Variants in CAMK2D observed in about 807,000 individuals in gnomAD.
CAMK2D encodes calcium/calmodulin-dependent protein kinase type II subunit delta.
CAMK2D carries 37 observed loss-of-function variants against 84.0 expected under a neutral mutation model. The ratio of observed to expected loss-of-function variants is 0.44; its 90% CI spans 0.34 to 0.58. The LOEUF (loss-of-function observed/expected upper bound fraction) is 0.58. CAMK2D is among the 20% of genes least tolerant of loss of function. CAMK2D has a pLI of 0.02. For missense variants in CAMK2D, 448 were observed against 652.5 expected (o/e 0.69, Z 3.41); for synonymous variants, 202 against 212.5 (o/e 0.95, Z 0.43).
At chr4:113,666,578 T>C (rs544408778) in intron 2 of CAMK2D, among the ~76,000 whole-genome samples, 1 of 151,842 alleles carries the variant, frequency 6.6e-6, no homozygotes, top group East Asian at 1.9e-4. Context: ...TACACACACA[T>C]GCATGCACAC....
chr4:113,466,090 G>T (rs1964212), intron 16 of CAMK2D, among the ~76,000 whole-genome samples: 2 of 150,044 alleles, frequency 1.3e-5, no homozygotes, highest in Non-Finnish European at 3.0e-5. Flanking sequence ...CATCTCTACT[G>T]AAAAAAAAAT....
At chr4:113,611,897 C>T (rs532874312) in intron 3 of CAMK2D, among the ~76,000 whole-genome samples, 4 of 152,136 alleles carry the variant, frequency 2.6e-5, no homozygotes, top group East Asian at 3.9e-4. Flanking sequence ...TTTGACCATG[C>T]GAGATTATGA....
At chr4:113,556,721 T>C (rs1276504220) in intron 4 of CAMK2D, among the ~76,000 whole-genome samples, 2 of 152,096 alleles carry the variant, frequency 1.3e-5, no homozygotes, top group Admixed American at 6.6e-5. Flanking sequence ...GGGAACCATG[T>C]GTCTAAATGA....
intron 6 of CAMK2D, among the ~76,000 whole-genome samples, chr4:113,543,768 GTTTA>G (rs79922057): frequency 0.071 from 10,352 of 146,646 alleles, 630 homozygotes; most frequent in African/African-American, 0.17. Context: ...TATCTATCAA[GTTTA>G]TTTATTTATT....
chr4:113,760,940 G>T (rs73842805), intron 1 of CAMK2D, 64 bp downstream of exon 1: 4 of 1,601,330 alleles, frequency 2.5e-6, no homozygotes, highest in Non-Finnish European at 3.4e-6. Context: ...CCGGTGGGTC[G>T]GGGGCAACGC....
intron 13 of CAMK2D, among the ~76,000 whole-genome samples, chr4:113,507,301 A>G (rs2098140957): frequency 6.6e-6 from 1 of 151,204 alleles, no homozygotes; most frequent in Admixed American, 6.6e-5. Context: ...CCCAGGCTGG[A>G]GTGCCATGGC....
intron 3 of CAMK2D, among the ~76,000 whole-genome samples, chr4:113,618,018 T>C (rs2099029111): frequency 6.6e-6 from 1 of 152,138 alleles, no homozygotes. Context: ...CAGTAAGTAA[T>C]ACTTGATAAG....
chr4:113,760,153 ATTCACGGCTTGGC>A lies in CAMK2D; in HGVS notation c.66-752_66-740del, dbSNP rs528904974. On this transcript the variant is annotated intron_variant, in intron 1 of 20. Transcript: ENST00000511664. Reference sequence around the variant, plus strand: ...TGGGTTCCATGCTACAAAAATCAGCATTCACGGCTTGGCCCCTAGGTCCCTTTGCATAAGTCCT... The same window carrying A: ...TGGGTTCCATGCTACAAAAATCAGCACCCTAGGTCCCTTTGCATAAGTCCT... Among the ~76,000 whole-genome samples the A allele has an allele frequency of 9.5e-4, 144 of 152,294 alleles. 1 individual carries two copies. Among genetic ancestry groups the A allele is most frequent in the Non-Finnish European group, 1.5e-3 (100 of 68,014 alleles).
intron 2 of CAMK2D, among the ~76,000 whole-genome samples, chr4:113,732,051 G>A (rs185953066): frequency 6.6e-6 from 1 of 151,906 alleles, no homozygotes; most frequent in Non-Finnish European, 1.5e-5. Flanking sequence ...TTTGGGCCGG[G>A]GTTTCTCATC....
At chr4:113,655,897 A>G (rs2099197853) in intron 3 of CAMK2D, among the ~76,000 whole-genome samples, 1 of 152,078 alleles carries the variant, frequency 6.6e-6, no homozygotes, top group African/African-American at 2.4e-5. Context: ...GAGCTTCACC[A>G]TAAGTTTAAA....
intron 2 of CAMK2D, among the ~76,000 whole-genome samples, chr4:113,758,960 G>A (rs1211970913): frequency 6.6e-6 from 1 of 152,108 alleles, no homozygotes; most frequent in Non-Finnish European, 1.5e-5. Context: ...AAGCAAAAGG[G>A]AATTATGACA....
intron 3 of CAMK2D, among the ~76,000 whole-genome samples, chr4:113,630,892 T>C (rs2099087071): frequency 6.6e-6 from 1 of 152,208 alleles, no homozygotes; most frequent in South Asian, 2.1e-4. Context: ...ACTCAGAGTG[T>C]TGTAATTTCA....
rs140163089 is a variant in CAMK2D at position 113,627,955 on chromosome 4, C to G, written c.221-18749G>C. Among the ~76,000 whole-genome samples, 248 of 152,292 alleles carry G rather than the reference C, an allele frequency of 1.6e-3. 1 individual carries two copies. Among genetic ancestry groups the G allele is most frequent in the African/African-American group, 5.7e-3 (235 of 41,566 alleles). On this transcript the variant is annotated intron_variant, in intron 3 of 20. Coordinates refer to ENST00000511664, the MANE Select transcript of CAMK2D (RefSeq NM_001321571.2). ...GGCAAACTTGCAGTTACAGAAACCA[C>G]AAATAATGAAGATCAACTGTATTTA...
chr4:113,460,698 A>G (rs1049216083), intron 17 of CAMK2D, among the ~76,000 whole-genome samples: 3 of 151,684 alleles, frequency 2.0e-5, no homozygotes, highest in East Asian at 3.9e-4. Context: ...AATTATTATT[A>G]TTTTTGAGAC....
intron 8 of CAMK2D, among the ~76,000 whole-genome samples, chr4:113,523,669 G>C (rs921546270): frequency 1.3e-5 from 2 of 152,010 alleles, no homozygotes; most frequent in African/African-American, 4.8e-5. Flanking sequence ...CTACAGGGGA[G>C]GCTAAGGCAG....
rs112738042 is a variant in CAMK2D at position 113,739,664 on chromosome 4, T to A, written c.160+19656A>T. On this transcript the variant is annotated intron_variant, in intron 2 of 20. Coordinates refer to ENST00000511664, the MANE Select transcript of CAMK2D (RefSeq NM_001321571.2). ...ACATGAAATAGATGTTTCTTTCAAC[T>A]CCAGGCATAGCTAATTTAAAATCAT... Among the ~76,000 whole-genome samples the A allele has an allele frequency of 5.6e-3, 849 of 152,260 alleles. 13 individuals are homozygous for A. Among genetic ancestry groups the A allele is most frequent in the Middle Eastern group, 0.02 (6 of 294 alleles).
chr4:113,517,770 T>C lies in CAMK2D; in HGVS notation c.602-113A>G, dbSNP rs191660490. 3.2e-5 allele frequency: 19 copies of C among 587,286 alleles called. No homozygotes were observed. In the Admixed American group the frequency reaches 4.5e-4, roughly 14 times the overall value. 36.4% of individuals were successfully genotyped at this position (587,286 alleles called of 1,614,324 possible). A position where few individuals can be genotyped will look rare whatever the true frequency, so the allele number is the denominator to read the frequency against. Reference sequence around the variant, plus strand: ...AGTTGTTAAAACAGAGAAAACTGGATTGTAGGAAAACTTCAGAAAGATGTG... The same window carrying C: ...AGTTGTTAAAACAGAGAAAACTGGACTGTAGGAAAACTTCAGAAAGATGTG... On this transcript the variant is annotated intron_variant, in intron 8 of 20. Transcript: ENST00000511664.
intron 4 of CAMK2D, among the ~76,000 whole-genome samples, chr4:113,567,315 C>G (rs2098730406): frequency 1.3e-5 from 2 of 151,804 alleles, no homozygotes; most frequent in Non-Finnish European, 1.5e-5. Flanking sequence ...TTACAGGCAC[C>G]CGCCACCAAG....
At chr4:113,688,676 T>C (rs1424197916) in intron 2 of CAMK2D, among the ~76,000 whole-genome samples, 1 of 152,010 alleles carries the variant, frequency 6.6e-6, no homozygotes, top group East Asian at 1.9e-4. Flanking sequence ...TTGGTTTCCT[T>C]CATCCCTGCA....
Sources: gnomAD v4.1 joint callset for allele counts (sites outside exome capture counted in the v4.1 genomes callset) on GRCh38, gnomAD v4.1.1 for gene constraint, MANE v1.5 for transcripts, NCBI Gene and HGNC (gene_info 2026-07-23, HGNC 2026-07-21) for gene names.